The following IPP variants were observed in gnomAD, a reference collection of about 807,000 sequenced individuals.
IPP encodes actin-binding protein IPP.
In IPP, 41 loss-of-function variants were observed where a neutral mutation model predicts 64.1. That is an observed-to-expected ratio of 0.64 (90% CI 0.50 to 0.83). The LOEUF is 0.83. IPP is among the 40% of genes least tolerant of loss of function. The pLI is 0.00. For missense variants in IPP, 649 were observed against 703.0 expected (o/e 0.92, Z 0.87); for synonymous variants, 214 against 235.2 (o/e 0.91, Z 0.83).
At chr1:45,724,282 T>G (rs1264732109) in intron 5 of IPP, among the ~76,000 whole-genome samples, 2 of 152,062 alleles carry the variant, frequency 1.3e-5, no homozygotes, top group Admixed American at 6.6e-5. Flanking sequence ...GTTCACTCAG[T>G]GCTCAATGGT....
chr1:45,730,512 T>C (rs2148572071), intron 3 of IPP, among the ~76,000 whole-genome samples: 1 of 152,312 alleles, frequency 6.6e-6, no homozygotes, highest in South Asian at 2.1e-4. Flanking sequence ...TTAAGAATGA[T>C]AGACAAAGCA....
intron 5 of IPP, among the ~76,000 whole-genome samples, chr1:45,726,230 G>A (rs931694013): frequency 6.7e-6 from 1 of 149,792 alleles, no homozygotes; most frequent in Non-Finnish European, 1.5e-5. Flanking sequence ...AGGCTGAGGC[G>A]GATGGATCAC....
chr1:45,729,725 T>A lies in IPP; in HGVS notation c.769A>T (p.Lys257Ter), dbSNP rs758773209. ...GATTTGCATACTTCACAGTACTCTT[T>A]CAGAAGTGTTTGCAATGCAACACGA... ...NLRVALQTLL[K>*]EYCEVCKSPK... Residue 257 changes from lysine to a stop codon, truncating the protein, a stop_gained, in exon 4 of 9, where the codon AAA (lysine) becomes TAA (stop). Coordinates refer to ENST00000396478, the MANE Select transcript of IPP (RefSeq NM_005897.3). LOFTEE classifies it high-confidence loss of function. 1.2e-6 allele frequency: 2 copies of A among 1,603,924 alleles called. No homozygotes were observed. Among genetic ancestry groups the A allele is most frequent in the South Asian group, 1.1e-5 (1 of 89,448 alleles).
intron 3 of IPP, among the ~76,000 whole-genome samples, chr1:45,730,835 T>G (rs896398867): frequency 6.6e-6 from 1 of 152,184 alleles, no homozygotes; most frequent in African/African-American, 2.4e-5. Context: ...TTCTCACTAA[T>G]AATAATTTGC....
intron 8 of IPP, among the ~76,000 whole-genome samples, chr1:45,708,164 A>AAG (rs1418599007): frequency 1.3e-5 from 2 of 151,360 alleles, no homozygotes; most frequent in East Asian, 4.0e-4. Flanking sequence ...TCCCAGGTTC[A>AAG]TGCCATTCTC....
chr1:45,706,183 G>A (rs1208634694), intron 8 of IPP, among the ~76,000 whole-genome samples: 1 of 152,168 alleles, frequency 6.6e-6, no homozygotes, highest in Non-Finnish European at 1.5e-5. Flanking sequence ...ACCAACCAAA[G>A]TGAAGATAAT....
Position 45,740,271 on chromosome 1 carries a change from C to A in IPP, c.724+630G>T, listed in dbSNP as rs1377515929. On this transcript the variant is annotated intron_variant, in intron 3 of 8. Transcript: ENST00000396478. ...TCCGATTTCTCAATCTTTTCCCCAC[C>A]TTTCCCCCTTTTCTATTCCACAAAA... 3.3e-5 allele frequency among the ~76,000 whole-genome samples: 5 copies of A among 152,334 alleles called. No individual in the cohort carries two copies. In the East Asian group the frequency reaches 9.6e-4, roughly 29 times the overall value.
rs1213814214 is a variant in IPP at position 45,716,895 on chromosome 1, C to G, written c.1309G>C (p.Gly437Arg). Reference sequence around the variant, plus strand: ...GAAAAATATTTTATAAAGTGATTACCTTGCATTTCACAGCACCCAAAGTAG... The same window carrying G: ...GAAAAATATTTTATAAAGTGATTACGTTGCATTTCACAGCACCCAAAGTAG... ...RYYFGCCEMQ[G>R]LIYVIGGISN... The change falls in exon 7 of 9, where the codon GGT becomes CGT. Residue 437 changes from glycine to arginine, a missense_variant and splice_region_variant. Transcript: ENST00000396478. 6.2e-7 allele frequency: 1 copy of G among 1,605,210 alleles called. No individual in the cohort carries two copies. The highest frequency in any genetic ancestry group is 8.5e-7 in the Non-Finnish European group (1 of 1,177,120).
intron 5 of IPP, among the ~76,000 whole-genome samples, chr1:45,720,278 C>A (rs748939287): frequency 3.9e-5 from 6 of 151,984 alleles, no homozygotes; most frequent in Non-Finnish European, 8.8e-5. Flanking sequence ...AGGAGTAAAT[C>A]TAACCAAAGA....
chr1:45,746,180 C>A lies in IPP; in HGVS notation c.232G>T (p.Val78Leu), dbSNP rs550184807. Reference protein sequence around the residue: ...GGMKESSKDVVPILGIEAGIF... With the variant: ...GGMKESSKDVLPILGIEAGIF... ...CCTGCTTCAATTCCTAGAATCGGTA[C>A]AACATCTTTTGAGGACTCTTTCATT... The change falls in exon 2 of 9, where the codon GTA (valine) becomes TTA (leucine). Residue 78 changes from valine to leucine, a missense_variant. Coordinates refer to ENST00000396478, the MANE Select transcript of IPP (RefSeq NM_005897.3). The A allele has an allele frequency of 3.7e-6, 6 of 1,614,104 alleles. No individual in the cohort carries two copies. The Admixed American group carries it at 6.7e-5, about 18-fold the overall frequency.
intron 7 of IPP, 129 bp downstream of exon 7, chr1:45,716,766 T>C: frequency 1.5e-6 from 1 of 664,620 alleles, no homozygotes; most frequent in Non-Finnish European, 2.5e-6. Flanking sequence ...AAAGCAGAAC[T>C]TCTATGCTGC....
intron 3 of IPP, among the ~76,000 whole-genome samples, chr1:45,740,383 T>A: frequency 6.6e-6 from 1 of 151,964 alleles, no homozygotes; most frequent in African/African-American, 2.4e-5. Context: ...GGCTCCTCAC[T>A]TCCCAGTAGG....
chr1:45,731,045 T>C (rs1263008225), intron 3 of IPP, among the ~76,000 whole-genome samples: 2 of 152,158 alleles, frequency 1.3e-5, no homozygotes, highest in Admixed American at 1.3e-4. Flanking sequence ...ATAAGATAAA[T>C]AACAAGAACT....
At position 45,699,563 on chromosome 1, in the gene IPP, C is replaced by A; in HGVS notation, c.*403G>T. The A allele has an allele frequency of 1.0e-6, 1 of 991,460 alleles. No homozygotes were observed. Among genetic ancestry groups the A allele is most frequent in the Non-Finnish European group, 1.2e-6 (1 of 833,122 alleles). 61.4% of individuals were successfully genotyped at this position (991,460 alleles called of 1,614,324 possible). ...GAATTCTACAGCATAAATGGCATTT[C>A]TATTATTAGTAAACCTGGCAAATCT... is the stretch of plus-strand genomic sequence containing the variant. On this transcript the variant is annotated 3_prime_UTR_variant, in exon 9 of 9. Transcript: ENST00000396478.
intron 1 of IPP, among the ~76,000 whole-genome samples, chr1:45,747,834 C>CAAAAAAAAAAA (rs60576414): frequency 1.8e-4 from 7 of 39,298 alleles, no homozygotes; most frequent in African/African-American, 3.0e-4. Flanking sequence ...GACTCTGTCT[C>CAAAAAAAAAAA]AAAAAAAAAA....
At position 45,727,639 on chromosome 1, in the gene IPP, G is replaced by C; in HGVS notation, c.1040C>G (p.Ala347Gly). ...GACATTTTTATTATTACCTCCAATA[G>C]CGTAGACCATCCCTCCCAGAACTGT... ...GVTVLGGMVY[A>G]IGGEKDSMIF... Residue 347 changes from alanine to glycine, a missense_variant, in exon 5 of 9, where the codon GCT (alanine) becomes GGT (glycine). Ala to Gly is a moderately conservative substitution (Grantham distance 60). Coordinates refer to ENST00000396478, the MANE Select transcript of IPP (RefSeq NM_005897.3). The C allele has an allele frequency of 6.4e-7, 1 of 1,563,518 alleles. No homozygotes were observed. Among genetic ancestry groups the C allele is most frequent in the Non-Finnish European group, 8.7e-7 (1 of 1,145,000 alleles).
At chr1:45,698,614 T>TA (rs1645408397), downstream of IPP, 1 of 909,452 alleles carries the variant, frequency 1.1e-6, no homozygotes, top group Non-Finnish European at 1.3e-6. Context: ...CAAGTACAAA[T>TA]AAATTTTACA....
chr1:45,719,004 T>A (rs1645696623), intron 6 of IPP, among the ~76,000 whole-genome samples, 199 bp downstream of exon 6: 1 of 151,082 alleles, frequency 6.6e-6, no homozygotes, highest in African/African-American at 2.4e-5. Flanking sequence ...ACTAGAAGAG[T>A]ATAACTGGAT....
chr1:45,694,451 G>C (rs749725053), downstream of IPP: 6 of 1,536,890 alleles, frequency 3.9e-6, no homozygotes, highest in Non-Finnish European at 5.3e-6. Flanking sequence ...TTAGAGTCTT[G>C]TGATCATTGA....
Sources: gnomAD v4.1 joint callset for allele counts (sites outside exome capture counted in the v4.1 genomes callset) on GRCh38, gnomAD v4.1.1 for gene constraint, MANE v1.5 for transcripts, NCBI Gene and HGNC (gene_info 2026-07-23, HGNC 2026-07-21) for gene names.